The following RSF1 variants were observed in gnomAD, a reference collection of about 807,000 sequenced individuals.
RSF1 encodes the protein HBV pX-associated protein 8.
RSF1 carries 13 observed loss-of-function variants against 145.2 expected under a neutral mutation model. The observed-to-expected ratio is 0.09, with a 90% CI of 0.06 to 0.14. RSF1 has a LOEUF of 0.14. Among genes scored for constraint, RSF1 ranks in the 10% least tolerant of loss-of-function variants. The pLI is 1.00. For missense variants in RSF1, 1,517 were observed against 1,718.2 expected, an observed-to-expected ratio of 0.88 and a Z score of 2.07; for synonymous variants, 577 against 592.6, an observed-to-expected ratio of 0.97 and a Z score of 0.38.
chr11:77,863,021 T>C, the RSF1 span, among the ~76,000 whole-genome samples: 1 of 152,138 alleles, frequency 6.6e-6, no homozygotes, highest in East Asian at 1.9e-4. Context: ...GCTCCTAATG[T>C]GGTGGTGGGC....
At chr11:77,694,061 G>A (rs1043760413) in intron 7 of RSF1, among the ~76,000 whole-genome samples, 2 of 152,080 alleles carry the variant, frequency 1.3e-5, no homozygotes, top group Admixed American at 6.6e-5. Context: ...GGGATTACAA[G>A]CGTGAGCCAC....
intron 3 of RSF1, among the ~76,000 whole-genome samples, chr11:77,745,919 C>T (rs1393665868): frequency 6.6e-6 from 1 of 151,628 alleles, no homozygotes; most frequent in African/African-American, 2.4e-5. Flanking sequence ...TGTAACACAC[C>T]CTGAAAAGTT....
chr11:77,680,780 T>C (rs954506038), intron 11 of RSF1, among the ~76,000 whole-genome samples: 3 of 152,230 alleles, frequency 2.0e-5, no homozygotes, highest in Non-Finnish European at 4.4e-5. Flanking sequence ...AACATTCTTG[T>C]AGCTGCAGTG....
the RSF1 span, among the ~76,000 whole-genome samples, chr11:77,865,444 T>G: frequency 6.6e-6 from 1 of 152,188 alleles, no homozygotes; most frequent in Non-Finnish European, 1.5e-5. Context: ...ATGGCAGGGC[T>G]CTAACTTGCA....
At chr11:77,695,630 AG>A (rs1405839723) in intron 7 of RSF1, among the ~76,000 whole-genome samples, 1 of 151,866 alleles carries the variant, frequency 6.6e-6, no homozygotes, top group African/African-American at 2.4e-5. Context: ...AGGATGTTTC[AG>A]GAACATCTTG....
chr11:77,707,781 T>G (rs772273503), intron 5 of RSF1, among the ~76,000 whole-genome samples: 1 of 152,234 alleles, frequency 6.6e-6, no homozygotes, highest in Non-Finnish European at 1.5e-5. Flanking sequence ...TGCTTTACAC[T>G]TGGAAACCTC....
chr11:77,784,859 C>T (rs1948438782), intron 1 of RSF1, among the ~76,000 whole-genome samples: 3 of 152,162 alleles, frequency 2.0e-5, no homozygotes, highest in Non-Finnish European at 4.4e-5. Context: ...CAGTGCCTAG[C>T]GTTGTGGATT....
At chr11:77,780,304 A>G (rs1260694783) in intron 1 of RSF1, among the ~76,000 whole-genome samples, 2 of 152,244 alleles carry the variant, frequency 1.3e-5, no homozygotes, top group Admixed American at 6.5e-5. Flanking sequence ...GCTCATACTT[A>G]AAGAACCAAA....
At chr11:77,717,513 A>G (rs1034764563) in intron 5 of RSF1, among the ~76,000 whole-genome samples, 2 of 152,246 alleles carry the variant, frequency 1.3e-5, no homozygotes, top group Non-Finnish European at 2.9e-5. Context: ...CGATCTCCGT[A>G]TACTGATGCC....
At chr11:77,741,955 G>A (rs1031677831) in intron 3 of RSF1, among the ~76,000 whole-genome samples, 5 of 152,108 alleles carry the variant, frequency 3.3e-5, no homozygotes, top group Admixed American at 6.5e-5. Context: ...CTTTCAGTGC[G>A]TTGCTTATTT....
intron 5 of RSF1, among the ~76,000 whole-genome samples, chr11:77,711,789 C>A (rs1201568434): frequency 6.6e-6 from 1 of 152,154 alleles, no homozygotes; most frequent in East Asian, 1.9e-4. Context: ...TGGTAAAATA[C>A]TATTAAACAG....
At chr11:77,842,398 C>A in the RSF1 span, 11 of 1,296,416 alleles carry the variant, frequency 8.5e-6, no homozygotes, top group African/African-American at 1.5e-4. Context: ...CATGGAGAAT[C>A]AGGGCTTAGT....
rs377543269 is a variant in RSF1 at position 77,781,371 on chromosome 11, T to C, written c.188-16682A>G. 9.7e-4 allele frequency among the ~76,000 whole-genome samples: 147 copies of C among 152,330 alleles called. 2 individuals are homozygous for C. In the South Asian group the frequency reaches 0.029, roughly 30 times the overall value. On this transcript the variant is annotated intron_variant, in intron 1 of 15. Coordinates refer to ENST00000308488, the MANE Select transcript of RSF1 (RefSeq NM_016578.4). ...ACCTCAGCCTTGCAAAATGTTAGAA[T>C]TACAGATGTGAGCCACTGTGCCTGG... is the stretch of plus-strand genomic sequence containing the variant.
At chr11:77,821,613 C>G (rs1315481942), upstream of RSF1, among the ~76,000 whole-genome samples, 1 of 151,950 alleles carries the variant, frequency 6.6e-6, no homozygotes, top group African/African-American at 2.4e-5. Flanking sequence ...GGAAGGGGCT[C>G]TGTTCAGGGA....
the RSF1 span, among the ~76,000 whole-genome samples, chr11:77,864,525 A>G: frequency 6.6e-6 from 1 of 152,200 alleles, no homozygotes; most frequent in African/African-American, 2.4e-5. Context: ...TAGGGTGTAT[A>G]TTATGTGAAA....
intron 4 of RSF1, among the ~76,000 whole-genome samples, chr11:77,737,289 A>C (rs1961377678): frequency 2.0e-5 from 3 of 152,014 alleles, no homozygotes; most frequent in Admixed American, 1.3e-4. Context: ...CTCTACTAAA[A>C]GTACAAAAAT....
the RSF1 span, among the ~76,000 whole-genome samples, chr11:77,854,736 A>T: frequency 6.6e-6 from 1 of 152,266 alleles, no homozygotes; most frequent in Admixed American, 6.5e-5. Context: ...TGGATCTACC[A>T]TTCTCATGTC....
intron 1 of RSF1, among the ~76,000 whole-genome samples, chr11:77,799,321 A>T (rs1948604645): frequency 6.6e-6 from 1 of 152,082 alleles, no homozygotes; most frequent in Non-Finnish European, 1.5e-5. Flanking sequence ...ACCAGCTTGC[A>T]ACATGGCAAA....
upstream of RSF1, among the ~76,000 whole-genome samples, chr11:77,825,540 TAAG>T (rs1949129319): frequency 6.6e-6 from 1 of 152,086 alleles, no homozygotes; most frequent in Non-Finnish European, 1.5e-5. Flanking sequence ...GATAGTTTAA[TAAG>T]AAGATGTATG....
Sources: gnomAD v4.1 joint callset for allele counts (sites outside exome capture counted in the v4.1 genomes callset) on GRCh38, gnomAD v4.1.1 for gene constraint, MANE v1.5 for transcripts, NCBI Gene and HGNC (gene_info 2026-07-23, HGNC 2026-07-21) for gene names.